The following SNTG1 variants were observed in gnomAD, a reference collection of about 807,000 sequenced individuals.
SNTG1 encodes syntrophin gamma 1.
SNTG1 carries 39 observed loss-of-function variants against 74.7 expected under a neutral mutation model. The ratio of observed to expected loss-of-function variants is 0.52; its 90% CI spans 0.40 to 0.68. The LOEUF (loss-of-function observed/expected upper bound fraction) is 0.68, where lower values mean the gene tolerates loss of function less well. SNTG1 is among the 30% of genes least tolerant of loss of function. The probability of loss-of-function intolerance (pLI) is 0.00; values close to 1 mark genes in which losing one functional copy is unlikely to be tolerated. For synonymous variants in SNTG1, 254 were observed against 217.1 expected, an observed-to-expected ratio of 1.17 and a Z score of -1.49; for missense variants, 685 against 609.5, an observed-to-expected ratio of 1.12 and a Z score of -1.30.
At chr8:50,632,038 T>A (rs1434042221) in intron 13 of SNTG1, among the ~76,000 whole-genome samples, 1 of 152,114 alleles carries the variant, frequency 6.6e-6, no homozygotes, top group Non-Finnish European at 1.5e-5. Flanking sequence ...CAAAATGAGG[T>A]CACTTGAAAT....
At chr8:50,756,481 G>C (rs944124205) in intron 18 of SNTG1, among the ~76,000 whole-genome samples, 1 of 151,682 alleles carries the variant, frequency 6.6e-6, no homozygotes, top group Non-Finnish European at 1.5e-5. Context: ...TTTCTGCATT[G>C]CCTGTGGATG....
rs1394664511 is a variant in SNTG1, at chr8:50,553,039, A to G, written c.681-11A>G. The G allele has an allele frequency of 6.2e-7, 1 of 1,613,686 alleles. No individual in the cohort carries two copies. Among genetic ancestry groups the G allele is most frequent in the East Asian group, 2.2e-5 (1 of 44,862 alleles). ...TGAGGTTTTGATCTGATTTGTTCTG[A>G]ACATCTGCAGGCAGAATGCCTTTCA... On this transcript the variant is annotated splice_polypyrimidine_tract_variant and intron_variant, in intron 11 of 18. Coordinates refer to ENST00000642720, the MANE Select transcript of SNTG1 (RefSeq NM_018967.5).
At chr8:50,411,154 C>G (rs754514320) in intron 4 of SNTG1, among the ~76,000 whole-genome samples, 1 of 151,876 alleles carries the variant, frequency 6.6e-6, no homozygotes, top group Admixed American at 6.6e-5. Flanking sequence ...GCAAATAAGA[C>G]TAAGAAAAGG....
intron 11 of SNTG1, among the ~76,000 whole-genome samples, chr8:50,543,930 A>G (rs79492266): frequency 0.052 from 7,878 of 152,062 alleles, 313 homozygotes; most frequent in South Asian, 0.18. Flanking sequence ...TTATAATGAC[A>G]TTGAGCCTCT....
intron 1 of SNTG1, among the ~76,000 whole-genome samples, chr8:50,171,547 G>A (rs139484517): frequency 0.011 from 1,729 of 152,248 alleles, 15 homozygotes; most frequent in Non-Finnish European, 0.018. Context: ...TGACTCAAAT[G>A]TTAATCTACT....
At chr8:50,277,314 T>G (rs1286086839) in intron 2 of SNTG1, among the ~76,000 whole-genome samples, 1 of 150,160 alleles carries the variant, frequency 6.7e-6, no homozygotes, top group Non-Finnish European at 1.5e-5. Flanking sequence ...ACATCTAAAC[T>G]GGAAACACAT....
intron 8 of SNTG1, among the ~76,000 whole-genome samples, chr8:50,473,878 G>A (rs1342649348): frequency 6.6e-6 from 1 of 152,188 alleles, no homozygotes; most frequent in East Asian, 1.9e-4. Flanking sequence ...ACTCATAGAA[G>A]CAGAAAATAG....
chr8:50,195,861 A>G (rs1006560343), intron 2 of SNTG1, among the ~76,000 whole-genome samples: 2 of 152,154 alleles, frequency 1.3e-5, no homozygotes, highest in Admixed American at 6.6e-5. Flanking sequence ...TTGTTCTTGC[A>G]GTCGGCCTGG....
At chr8:50,105,406 A>G (rs2080327070) in intron 1 of SNTG1, among the ~76,000 whole-genome samples, 2 of 152,078 alleles carry the variant, frequency 1.3e-5, no homozygotes, top group African/African-American at 4.8e-5. Context: ...TTGTACCAGT[A>G]CCATGCTCTT....
At chr8:50,089,984 A>G (rs1266221295) in intron 1 of SNTG1, among the ~76,000 whole-genome samples, 1 of 152,250 alleles carries the variant, frequency 6.6e-6, no homozygotes, top group Non-Finnish European at 1.5e-5. Context: ...ATTATTCACA[A>G]TATAATTTAT....
rs759255354 is a variant in SNTG1 at position 50,708,841 on chromosome 8, T to C, written c.1192-45T>C. 3.2e-6 allele frequency: 4 copies of C among 1,241,106 alleles called. No individual in the cohort carries two copies. The Admixed American group carries it at 6.8e-5, about 21-fold the overall frequency. 76.9% of individuals were successfully genotyped at this position (1,241,106 alleles called of 1,614,324 possible). On this transcript the variant is annotated intron_variant, in intron 16 of 18. Transcript: ENST00000642720. Reference sequence around the variant, plus strand: ...GTAACATAGTTCATAATATTGATATTGCATCAATAACATGAAAAGTAACAA... The same window carrying C: ...GTAACATAGTTCATAATATTGATATCGCATCAATAACATGAAAAGTAACAA...
chr8:50,006,451 T>G (rs1229672847), intron 1 of SNTG1, among the ~76,000 whole-genome samples: 2 of 152,252 alleles, frequency 1.3e-5, no homozygotes, highest in East Asian at 3.8e-4. Context: ...TTTCAAGTTG[T>G]GATCTTCCTA....
At position 50,531,176 on chromosome 8, in the gene SNTG1, ACTC is replaced by A. The variant is rs2094264038; in HGVS notation, c.549+921_549+923del. 2.6e-5 allele frequency among the ~76,000 whole-genome samples: 4 copies of A among 151,874 alleles called. No individual in the cohort carries two copies. In the South Asian group the frequency reaches 8.3e-4, roughly 32 times the overall value. The stretch of plus-strand genomic sequence containing the variant: ...CACGGTACCTGATTTCCCTAGTATT[ACTC>A]CTCAGCTGAGTACCTTAGGCCCTCA... On this transcript the variant is annotated intron_variant, in intron 10 of 18. Coordinates refer to ENST00000642720, the MANE Select transcript of SNTG1 (RefSeq NM_018967.5).
intron 15 of SNTG1, among the ~76,000 whole-genome samples, chr8:50,698,546 A>C (rs1037999165): frequency 6.6e-6 from 1 of 152,016 alleles, no homozygotes; most frequent in East Asian, 1.9e-4. Flanking sequence ...CCCATGCCAT[A>C]CTTGATTCTC....
chr8:50,632,877 C>G (rs985175756), intron 13 of SNTG1, among the ~76,000 whole-genome samples: 2 of 152,076 alleles, frequency 1.3e-5, no homozygotes, highest in South Asian at 2.1e-4. Context: ...TAATAAAGGT[C>G]CTTTGTCTCT....
At chr8:50,158,324 T>TA (rs1268292023) in intron 1 of SNTG1, among the ~76,000 whole-genome samples, 6 of 152,062 alleles carry the variant, frequency 3.9e-5, no homozygotes, top group Non-Finnish European at 5.9e-5. Context: ...TCTTAGGAAA[T>TA]AAAAAACAAT....
intron 1 of SNTG1, among the ~76,000 whole-genome samples, chr8:50,127,157 G>C (rs567077461): frequency 1.1e-4 from 17 of 152,190 alleles, no homozygotes; most frequent in African/African-American, 4.1e-4. Flanking sequence ...CTGAGTGAAG[G>C]GGGAGGAGAA....
intron 2 of SNTG1, among the ~76,000 whole-genome samples, chr8:50,201,014 A>T (rs2083967109): frequency 6.6e-6 from 1 of 152,042 alleles, no homozygotes; most frequent in Admixed American, 6.6e-5. Context: ...TTGTCTTTTG[A>T]TTTTTTATTT....
chr8:50,631,116 C>CA (rs2094994410), intron 13 of SNTG1, among the ~76,000 whole-genome samples: 1 of 152,126 alleles, frequency 6.6e-6, no homozygotes, highest in Non-Finnish European at 1.5e-5. Context: ...CAGATGAGAG[C>CA]AATTCACTAG....
Sources: gnomAD v4.1 joint callset for allele counts (sites outside exome capture counted in the v4.1 genomes callset) on GRCh38, gnomAD v4.1.1 for gene constraint, MANE v1.5 for transcripts, NCBI Gene and HGNC (gene_info 2026-07-23, HGNC 2026-07-21) for gene names.